ACOXL: variants seen among roughly 807,000 people sequenced by gnomAD.
The protein encoded by ACOXL is acyl-CoA oxidase like, also known as acyl-coenzyme A oxidase-like protein.
In ACOXL, 70 loss-of-function variants were observed where a neutral mutation model predicts 71.9. The observed-to-expected ratio is 0.97, with a 90% CI of 0.80 to 1.19. The LOEUF is 1.19. ACOXL is among the 50% of genes most tolerant of loss of function. The pLI, the probability that ACOXL is intolerant of heterozygous loss-of-function variation, is 0.00. For synonymous variants in ACOXL, 253 were observed against 281.6 expected, an observed-to-expected ratio of 0.90 and a Z score of 1.02; for missense variants, 703 against 736.3, an observed-to-expected ratio of 0.95 and a Z score of 0.52.
chr2:111,052,446 T>C (rs1035412099), intron 16 of ACOXL, among the ~76,000 whole-genome samples: 4 of 152,032 alleles, frequency 2.6e-5, no homozygotes, highest in Non-Finnish European at 5.9e-5. Context: ...CCAGCTTCTC[T>C]GTGACTCAGT....
chr2:110,816,916 T>C (rs1345631507), intron 9 of ACOXL, among the ~76,000 whole-genome samples: 3 of 152,240 alleles, frequency 2.0e-5, no homozygotes, highest in East Asian at 3.8e-4. Context: ...CTTCCTCTCT[T>C]GCTCACCCGT....
intron 12 of ACOXL, among the ~76,000 whole-genome samples, chr2:110,942,815 T>G (rs1574218988): frequency 7.0e-6 from 1 of 143,290 alleles, no homozygotes; most frequent in Non-Finnish European, 1.5e-5. Context: ...CCCTAAGAGG[T>G]GGAGGTCGCA....
chr2:110,989,870 G>A (rs898668834), intron 13 of ACOXL, among the ~76,000 whole-genome samples: 2 of 152,064 alleles, frequency 1.3e-5, no homozygotes, highest in Admixed American at 1.3e-4. Context: ...GTGAAACCCC[G>A]TCTCTACTAA....
At chr2:110,907,650 A>C (rs952807566) in intron 10 of ACOXL, among the ~76,000 whole-genome samples, 1 of 152,114 alleles carries the variant, frequency 6.6e-6, no homozygotes, top group Non-Finnish European at 1.5e-5. Flanking sequence ...CTGTGCTCTT[A>C]CAAAATGAGG....
At chr2:110,812,925 A>G (rs891070255) in intron 9 of ACOXL, among the ~76,000 whole-genome samples, 4 of 152,186 alleles carry the variant, frequency 2.6e-5, no homozygotes, top group South Asian at 4.1e-4. Context: ...CTGTGGTTAC[A>G]CTGGCAGGAG....
chr2:110,989,975 G>T (rs1244478865), intron 13 of ACOXL, among the ~76,000 whole-genome samples: 1 of 152,070 alleles, frequency 6.6e-6, no homozygotes, highest in Non-Finnish European at 1.5e-5. Flanking sequence ...AGGAAGCGGA[G>T]GTTGCAGTGA....
intron 10 of ACOXL, among the ~76,000 whole-genome samples, chr2:110,883,119 T>G (rs1405252955): frequency 6.8e-6 from 1 of 148,122 alleles, no homozygotes; most frequent in East Asian, 2.0e-4. Flanking sequence ...TTTTTTTTTT[T>G]TTTTTTTTTT....
chr2:111,100,300 T>G (rs1293793909), intron 17 of ACOXL: 1 of 152,670 alleles, frequency 6.6e-6, no homozygotes, highest in East Asian at 1.9e-4. Flanking sequence ...AATGGAATCA[T>G]GTGAGCATGC....
At chr2:110,923,776 A>C (rs2060167651) in intron 11 of ACOXL, among the ~76,000 whole-genome samples, 1 of 152,072 alleles carries the variant, frequency 6.6e-6, no homozygotes, top group Non-Finnish European at 1.5e-5. Flanking sequence ...CCTACTAAAC[A>C]TACAAAAAAA....
intron 10 of ACOXL, among the ~76,000 whole-genome samples, chr2:110,866,841 A>T (rs138830235): frequency 6.6e-6 from 1 of 152,274 alleles, no homozygotes; most frequent in African/African-American, 2.4e-5. Flanking sequence ...CACAGCCTGG[A>T]TGCTAGGGAA....
chr2:110,903,424 T>A (rs1245294292), intron 10 of ACOXL, among the ~76,000 whole-genome samples: 1 of 152,230 alleles, frequency 6.6e-6, no homozygotes, highest in Non-Finnish European at 1.5e-5. Flanking sequence ...GCTTTTCAAA[T>A]CTATAATTTT....
chr2:110,759,175 T>C (rs1202773220), intron 1 of ACOXL, among the ~76,000 whole-genome samples: 1 of 152,210 alleles, frequency 6.6e-6, no homozygotes, highest in Non-Finnish European at 1.5e-5. Flanking sequence ...GAGAGTTCTG[T>C]AGATATCTGT....
intron 2 of ACOXL, among the ~76,000 whole-genome samples, chr2:110,774,927 A>G (rs1279876398): frequency 6.6e-6 from 1 of 152,248 alleles, no homozygotes; most frequent in Admixed American, 6.5e-5. Flanking sequence ...ATTTACTGCA[A>G]AGCTACTATA....
At chr2:110,931,121 T>A (rs1244576352) in intron 11 of ACOXL, among the ~76,000 whole-genome samples, 1 of 152,220 alleles carries the variant, frequency 6.6e-6, no homozygotes, top group Non-Finnish European at 1.5e-5. Context: ...GATGAGTTTC[T>A]TATATCAGAT....
chr2:110,867,418 C>CT (rs1324489737), intron 10 of ACOXL, among the ~76,000 whole-genome samples: 1 of 152,206 alleles, frequency 6.6e-6, no homozygotes, highest in Non-Finnish European at 1.5e-5. Context: ...TCTGTGCACA[C>CT]TTTGGCACTT....
chr2:110,829,991 A>G (rs1192515232), intron 9 of ACOXL, among the ~76,000 whole-genome samples: 1 of 152,166 alleles, frequency 6.6e-6, no homozygotes, highest in African/African-American at 2.4e-5. Context: ...TGGTGTTTTA[A>G]TATGTCCCTG....
intron 11 of ACOXL, among the ~76,000 whole-genome samples, chr2:110,926,147 G>T (rs1408522105): frequency 2.0e-5 from 3 of 152,106 alleles, no homozygotes; most frequent in Non-Finnish European, 4.4e-5. Flanking sequence ...ACTAATGACA[G>T]ATCACCATAA....
intron 2 of ACOXL, among the ~76,000 whole-genome samples, chr2:110,772,221 T>C (rs1456176085): frequency 6.6e-6 from 1 of 152,186 alleles, no homozygotes; most frequent in East Asian, 1.9e-4. Context: ...ACCCAGGTGC[T>C]CTGCTTCCTG....
intron 2 of ACOXL, among the ~76,000 whole-genome samples, chr2:110,768,703 A>C (rs879451652): frequency 6.6e-5 from 10 of 151,358 alleles, no homozygotes; most frequent in Admixed American, 1.3e-4. Flanking sequence ...CCCTTCTCCC[A>C]CCCTCCTCTC....
Sources: allele counts gnomAD v4.1 joint callset (sites outside exome capture counted in the v4.1 genomes callset), GRCh38; gene constraint gnomAD v4.1.1; transcripts MANE v1.5; gene names NCBI Gene and HGNC (gene_info 2026-07-23, HGNC 2026-07-21).